NKAP: variants seen among roughly 807,000 people sequenced by gnomAD.
NKAP encodes the protein NF-kappa-B-activating protein.
A neutral mutation model predicts 35.6 loss-of-function variants in NKAP; 4 were observed. That is an observed-to-expected ratio of 0.11 (90% CI 0.06 to 0.26). NKAP has a LOEUF of 0.26. Among genes scored for constraint, NKAP ranks in the 10% least tolerant of loss-of-function variants. The pLI is 1.00. For synonymous variants in NKAP, 106 were observed against 119.2 expected, an observed-to-expected ratio of 0.89 and a Z score of 0.72; for missense variants, 238 against 321.9, an observed-to-expected ratio of 0.74 and a Z score of 1.99.
chrX:119,934,430 CAAAA>C (rs369386190), intron 5 of NKAP, 60 bp downstream of exon 5: 628 of 187,091 alleles, frequency 3.4e-3, no homozygotes, highest in Middle Eastern at 5.2e-3. Flanking sequence ...GACTCTGTCT[CAAAA>C]AAAAAAAAAA....
intron 8 of NKAP, among the ~76,000 whole-genome samples, chrX:119,927,352 A>AT (rs975574007): frequency 7.5e-5 from 8 of 107,130 alleles, no homozygotes; most frequent in Non-Finnish European, 7.7e-5. Flanking sequence ...ATTTTATTTT[A>AT]TTTTTTTTTG....
intron 8 of NKAP, among the ~76,000 whole-genome samples, chrX:119,929,214 G>A (rs1394864353): frequency 4.5e-5 from 5 of 111,865 alleles, no homozygotes; most frequent in African/African-American, 1.6e-4. Context: ...CAATCCTTGT[G>A]TCTCTAATTT....
intron 8 of NKAP, among the ~76,000 whole-genome samples, chrX:119,928,061 T>C (rs1030208004): frequency 8.9e-6 from 1 of 112,408 alleles, no homozygotes; most frequent in Admixed American, 9.5e-5. Flanking sequence ...ATAAGTCTCA[T>C]AAACAACTGT....
At chrX:119,932,069 T>A (rs1338629017) in intron 6 of NKAP, 38 bp downstream of exon 6, 1 of 1,180,647 alleles carries the variant, frequency 8.5e-7, no homozygotes, top group Non-Finnish European at 1.2e-6. Context: ...TACTTTAATG[T>A]TTCATCTGTT....
rs750384373 is a variant in NKAP at position 119,925,364 on chromosome X, T to C, written c.1104A>G (p.Arg368=). The C allele has an allele frequency of 8.3e-7, 1 of 1,207,370 alleles. No individual in the cohort carries two copies. Among genetic ancestry groups the C allele is most frequent in the South Asian group, 1.8e-5 (1 of 55,570 alleles). Reference sequence around the variant, plus strand: ...CAGCACTGTAGATCTGGTTCTCTTTTCGCAGTCGCACAGCCTCCATTCGGC... The same window carrying C: ...CAGCACTGTAGATCTGGTTCTCTTTCCGCAGTCGCACAGCCTCCATTCGGC... ...RHRRMEAVRL[R]KENQIYSADE... is the part of the protein sequence containing the mutation. Residue 368 remains arginine (R), a synonymous_variant, in exon 9 of 9, where the codon CGA becomes CGG. Coordinates refer to ENST00000371410, the MANE Select transcript of NKAP (RefSeq NM_024528.4).
intron 5 of NKAP, among the ~76,000 whole-genome samples, chrX:119,933,520 C>T (rs1237184923): frequency 9.0e-6 from 1 of 111,730 alleles, no homozygotes; most frequent in East Asian, 2.8e-4. Flanking sequence ...ATTGGAAATA[C>T]AGAGGACAGA....
At chrX:119,926,788 T>C (rs2056716598) in intron 8 of NKAP, among the ~76,000 whole-genome samples, 1 of 107,824 alleles carries the variant, frequency 9.3e-6, no homozygotes, top group Non-Finnish European at 1.9e-5. Context: ...AGGCTGGGCA[T>C]GGTGGCTCAC....
At chrX:119,942,991 C>A in intron 1 of NKAP, 1 of 383,168 alleles carries the variant, frequency 2.6e-6, no homozygotes, top group Non-Finnish European at 4.4e-6. Context: ...AGACAGGAGG[C>A]GGAAGGGGGT....
At chrX:119,940,940 G>A (rs2056790371) in intron 1 of NKAP, among the ~76,000 whole-genome samples, 1 of 110,619 alleles carries the variant, frequency 9.0e-6, no homozygotes, top group Admixed American at 9.7e-5. Context: ...AGGAGTTCGA[G>A]ACCAGCCTGG....
chrX:119,942,232 G>A lies in NKAP; in HGVS notation c.386+988C>T, dbSNP rs74932557. 6.1e-4 allele frequency among the ~76,000 whole-genome samples: 68 copies of A among 111,082 alleles called. No homozygotes were observed. In the East Asian group the frequency reaches 0.014, roughly 22 times the overall value. ...TCATACCTGTAATCTCAGCACTTCC[G>A]GAGGCCAACGTGGGAGGATCACTTG... On this transcript the variant is annotated intron_variant, in intron 1 of 8. Coordinates refer to ENST00000371410, the MANE Select transcript of NKAP (RefSeq NM_024528.4).
intron 2 of NKAP, 41 bp from the exon 3 acceptor site, chrX:119,936,723 T>G (rs1207872900): frequency 1.6e-5 from 16 of 1,008,101 alleles, no homozygotes; most frequent in Non-Finnish European, 2.2e-5. Flanking sequence ...AGGAAAGTGA[T>G]GAGATATGGA....
Position 119,936,694 on chromosome X carries a change from T to A in NKAP, c.468-12A>T. The A allele has an allele frequency of 8.7e-7, 1 of 1,152,453 alleles. No homozygotes were observed. Among genetic ancestry groups the A allele is most frequent in the Non-Finnish European group, 1.2e-6 (1 of 849,397 alleles). 95.0% of individuals were successfully genotyped at this position (1,152,453 alleles called of 1,213,427 possible). ...TATGTTCATCAGAACTGAATTTAAA[T>A]AAAATGGTTATAAGAATTAGGAAAG... On this transcript the variant is annotated splice_polypyrimidine_tract_variant and intron_variant, in intron 2 of 8. Coordinates refer to ENST00000371410, the MANE Select transcript of NKAP (RefSeq NM_024528.4).
intron 1 of NKAP, among the ~76,000 whole-genome samples, chrX:119,939,349 C>T (rs963398175): frequency 8.9e-6 from 1 of 111,928 alleles, no homozygotes; most frequent in East Asian, 2.8e-4. Flanking sequence ...TGCAGTAGCA[C>T]GATCTTGGCT....
At position 119,943,450 on chromosome X, in the gene NKAP, G is replaced by A. The variant is rs1237605891; in HGVS notation, c.156C>T (p.Asp52=). Residue 52 remains aspartate, a synonymous_variant, in exon 1 of 9, where the codon GAC becomes GAT. Transcript: ENST00000371410. ...CCAGCTGATGGGTGAGTCCATTCCG[G>A]TCCCCGGACCGAGAGCAAGAGTGCG... ...SRSHSCSRSG[D]RNGLTHQLGG... is the part of the protein sequence containing the mutation. 8.3e-7 allele frequency: 1 copy of A among 1,211,055 alleles called. No individual in the cohort carries two copies. Among genetic ancestry groups the A allele is most frequent in the Non-Finnish European group, 1.1e-6 (1 of 894,855 alleles).
chrX:119,920,906 A>C lies in NKAP; in HGVS notation c.*4314T>G. On this transcript the variant is annotated 3_prime_UTR_variant, in exon 9 of 9. Coordinates refer to ENST00000371410, the MANE Select transcript of NKAP (RefSeq NM_024528.4). ...AAAATTCACCTATTGGACCAAACTA[A>C]GGTTGGTACTTGGCTGTTTGTTCCC... is the stretch of plus-strand genomic sequence containing the variant. 7.1e-6 allele frequency: 1 copy of C among 141,778 alleles called. No homozygotes were observed. Among genetic ancestry groups the C allele is most frequent in the Non-Finnish European group, 1.4e-5 (1 of 71,340 alleles). 11.7% of individuals were successfully genotyped at this position (141,778 alleles called of 1,213,427 possible). A position where few individuals can be genotyped will look rare whatever the true frequency, so the allele number is the denominator to read the frequency against.
chrX:119,930,772 C>T (rs2056736635), intron 7 of NKAP, among the ~76,000 whole-genome samples: 2 of 109,167 alleles, frequency 1.8e-5, no homozygotes, highest in Non-Finnish European at 1.9e-5. Context: ...GAGCCGAGAT[C>T]GTGTCACTGC....
chrX:119,924,791 A>G lies in NKAP; in HGVS notation c.*429T>C, dbSNP rs1762019469. The G allele has an allele frequency of 7.9e-6, 1 of 126,765 alleles. No homozygotes were observed. Among genetic ancestry groups the G allele is most frequent in the Non-Finnish European group, 1.6e-5 (1 of 63,488 alleles). 10.4% of individuals were successfully genotyped at this position (126,765 alleles called of 1,213,427 possible). On this transcript the variant is annotated 3_prime_UTR_variant, in exon 9 of 9. Transcript: ENST00000371410. ...AACCTCCACCTCCTAGGTTCAAGCA[A>G]TTCTCCTGCCTCTTCCTCTCGAGTA...
chrX:119,942,202 T>G (rs999220339), intron 1 of NKAP, among the ~76,000 whole-genome samples: 2 of 111,233 alleles, frequency 1.8e-5, no homozygotes, highest in African/African-American at 6.5e-5. Context: ...GCAGGGCATG[T>G]GGGGTCATAC....
rs1679367559 is a variant in NKAP, at chrX:119,920,786, G to T, written c.*4434C>A. ...CTCCATCACATTAGCAGAGTAACCA[G>T]TAAGTTGTTTTCTATTTTCTAAAGT... On this transcript the variant is annotated 3_prime_UTR_variant, in exon 9 of 9. Coordinates refer to ENST00000371410, the MANE Select transcript of NKAP (RefSeq NM_024528.4). The T allele has an allele frequency of 3.1e-6, 1 of 326,614 alleles. No individual in the cohort carries two copies. The highest frequency in any genetic ancestry group is 5.3e-6 in the Non-Finnish European group (1 of 187,502). The allele number at this position is 326,614 out of a possible 1,213,427, so 26.9% of individuals were successfully genotyped here.
Sources: allele counts gnomAD v4.1 joint callset (sites outside exome capture counted in the v4.1 genomes callset), GRCh38; gene constraint gnomAD v4.1.1; transcripts MANE v1.5; gene names NCBI Gene and HGNC (gene_info 2026-07-23, HGNC 2026-07-21).